The following CTNND2 variants were observed in gnomAD, a reference collection of about 807,000 sequenced individuals.
CTNND2 encodes the protein catenin delta 2.
Under a neutral mutation model 144.4 loss-of-function variants are expected in CTNND2, and 22 were observed. The ratio of observed to expected loss-of-function variants is 0.15; its 90% CI spans 0.11 to 0.22. The LOEUF (loss-of-function observed/expected upper bound fraction) is 0.22. CTNND2 is among the 10% of genes least tolerant of loss of function. The probability of loss-of-function intolerance (pLI) is 1.00; values close to 1 mark genes in which losing one functional copy is unlikely to be tolerated. For missense variants in CTNND2, 1,353 were observed against 1,618.8 expected (o/e 0.84, Z 2.82); for synonymous variants, 751 against 695.6 (o/e 1.08, Z -1.25).
intron 2 of CTNND2, among the ~76,000 whole-genome samples, chr5:11,581,213 T>C (rs761237360): frequency 6.6e-5 from 10 of 152,178 alleles, no homozygotes; most frequent in Non-Finnish European, 1.0e-4. Context: ...GATGATAACT[T>C]TGAACCTGCA....
chr5:11,812,987 C>A (rs1409765622), intron 1 of CTNND2, among the ~76,000 whole-genome samples: 3 of 152,128 alleles, frequency 2.0e-5, no homozygotes, highest in Non-Finnish European at 4.4e-5. Context: ...ATATATACAC[C>A]AAAATCTACT....
At chr5:11,568,934 G>C (rs1777340430) in intron 2 of CTNND2, among the ~76,000 whole-genome samples, 1 of 152,192 alleles carries the variant, frequency 6.6e-6, no homozygotes, top group Non-Finnish European at 1.5e-5. Context: ...CTGGTTATAA[G>C]TAAATATGTA....
At chr5:10,979,957 G>T (rs770413888) in intron 21 of CTNND2, among the ~76,000 whole-genome samples, 1 of 152,136 alleles carries the variant, frequency 6.6e-6, no homozygotes, top group Non-Finnish European at 1.5e-5. Context: ...AATCATAGAA[G>T]AAAACCTGGG....
At chr5:11,264,189 T>C (rs776377886) in intron 9 of CTNND2, among the ~76,000 whole-genome samples, 2 of 152,196 alleles carry the variant, frequency 1.3e-5, no homozygotes, top group African/African-American at 2.4e-5. Context: ...CAAAGGATAG[T>C]CATTTGATAT....
At chr5:11,744,069 C>T (rs915308677) in intron 1 of CTNND2, among the ~76,000 whole-genome samples, 4 of 152,164 alleles carry the variant, frequency 2.6e-5, no homozygotes, top group African/African-American at 9.6e-5. Context: ...AGCAGCCAGG[C>T]TCTAGCAAAC....
chr5:11,866,613 T>C (rs1795780991), intron 1 of CTNND2, among the ~76,000 whole-genome samples: 1 of 152,226 alleles, frequency 6.6e-6, no homozygotes, highest in Non-Finnish European at 1.5e-5. Flanking sequence ...ACCTAAAGTG[T>C]GCAGCACAGT....
chr5:11,140,493 A>G (rs1485979374), intron 12 of CTNND2, among the ~76,000 whole-genome samples: 1 of 152,230 alleles, frequency 6.6e-6, no homozygotes, highest in Non-Finnish European at 1.5e-5. Context: ...AACACTATGT[A>G]TGCTAATAAA....
At chr5:11,658,664 C>A (rs555249708) in intron 2 of CTNND2, among the ~76,000 whole-genome samples, 61 of 152,262 alleles carry the variant, frequency 4.0e-4, no homozygotes, top group African/African-American at 1.4e-3. Flanking sequence ...ACTTAAGCCC[C>A]CTGGCTTCAC....
chr5:11,110,393 G>A (rs961773362), intron 14 of CTNND2, among the ~76,000 whole-genome samples: 1 of 152,166 alleles, frequency 6.6e-6, no homozygotes, highest in Non-Finnish European at 1.5e-5. Context: ...CCAATGGAAA[G>A]TGTGAGACTG....
chr5:11,168,976 C>T (rs1349532664), intron 11 of CTNND2, among the ~76,000 whole-genome samples: 1 of 152,130 alleles, frequency 6.6e-6, no homozygotes, highest in Non-Finnish European at 1.5e-5. Context: ...TGTGTTAGAC[C>T]ATGCTGAGAC....
chr5:11,117,402 G>A (rs781376747), intron 13 of CTNND2, 48 bp downstream of exon 13: 1 of 1,417,474 alleles, frequency 7.1e-7, no homozygotes, highest in South Asian at 1.2e-5. Context: ...TGAGTCCCGT[G>A]GGAGTCTTTA....
chr5:11,284,984 G>A (rs1747578205), intron 9 of CTNND2, among the ~76,000 whole-genome samples: 1 of 152,176 alleles, frequency 6.6e-6, no homozygotes, highest in African/African-American at 2.4e-5. Context: ...GCTTTAGTCA[G>A]GTTCCTATAA....
chr5:11,262,772 A>AAAAAAAAAAAG, intron 9 of CTNND2, among the ~76,000 whole-genome samples: 1 of 147,608 alleles, frequency 6.8e-6, no homozygotes, highest in Non-Finnish European at 1.5e-5. Context: ...AAAAAAAAAA[A>AAAAAAAAAAAG]AAAAAAAAAA....
chr5:11,742,047 G>C (rs1581806825), intron 1 of CTNND2, among the ~76,000 whole-genome samples: 1 of 151,752 alleles, frequency 6.6e-6, no homozygotes, highest in African/African-American at 2.4e-5. Context: ...TGGGGACTCG[G>C]GGGGAAAGGG....
chr5:11,240,536 A>ATG (rs1561076146), intron 9 of CTNND2, among the ~76,000 whole-genome samples: 1 of 70,856 alleles, frequency 1.4e-5, no homozygotes, highest in Non-Finnish European at 2.5e-5. Flanking sequence ...ACACACACCC[A>ATG]ACACACACAC....
intron 2 of CTNND2, among the ~76,000 whole-genome samples, chr5:11,655,401 G>C (rs1221826392): frequency 6.6e-6 from 1 of 151,900 alleles, no homozygotes; most frequent in African/African-American, 2.4e-5. Flanking sequence ...GCAAAACACA[G>C]CCATATATTT....
intron 12 of CTNND2, among the ~76,000 whole-genome samples, chr5:11,145,420 T>C (rs1326593434): frequency 6.6e-6 from 1 of 152,112 alleles, no homozygotes; most frequent in Non-Finnish European, 1.5e-5. Flanking sequence ...GCTACCTCAG[T>C]GGCCCAAGAT....
chr5:11,363,993 C>T (rs1395092340), intron 8 of CTNND2, among the ~76,000 whole-genome samples: 3 of 152,150 alleles, frequency 2.0e-5, no homozygotes, highest in East Asian at 1.9e-4. Flanking sequence ...TTAATTATAT[C>T]GATTTTGGAG....
chr5:11,489,087 T>C (rs1221646491), intron 3 of CTNND2, among the ~76,000 whole-genome samples: 2 of 152,198 alleles, frequency 1.3e-5, no homozygotes, highest in Admixed American at 6.5e-5. Context: ...AGTTGGATTC[T>C]GGGTCACAGG....
Sources: allele counts gnomAD v4.1 joint callset (sites outside exome capture counted in the v4.1 genomes callset), GRCh38; gene constraint gnomAD v4.1.1; transcripts MANE v1.5; gene names NCBI Gene and HGNC (gene_info 2026-07-23, HGNC 2026-07-21).